The following FGF1 variants were observed in gnomAD, a reference collection of about 807,000 sequenced individuals.
The protein encoded by FGF1 is fibroblast growth factor 1, also known as beta-endothelial cell growth factor.
Under a neutral mutation model 13.4 loss-of-function variants are expected in FGF1, and 9 were observed. The observed-to-expected ratio is 0.67, with a 90% CI of 0.40 to 1.17. The LOEUF is 1.17. FGF1 is among the 50% of genes most tolerant of loss of function. The pLI is 0.01. For synonymous variants in FGF1, 93 were observed against 79.0 expected (o/e 1.18, Z -0.94); for missense variants, 156 against 192.7 (o/e 0.81, Z 1.13).
At chr5:142,656,908 T>A (rs200376407) in intron 1 of FGF1, among the ~76,000 whole-genome samples, 71 of 152,108 alleles carry the variant, frequency 4.7e-4, no homozygotes, top group African/African-American at 1.3e-3. Context: ...GCAGGTATTT[T>A]TTTTTATTTT....
At chr5:142,681,651 T>C (rs1773713437) in intron 1 of FGF1, among the ~76,000 whole-genome samples, 1 of 152,160 alleles carries the variant, frequency 6.6e-6, no homozygotes, top group African/African-American at 2.4e-5. Flanking sequence ...CATGTGCCTC[T>C]CAGGACACCT....
chr5:142,668,328 T>C (rs1770823480), intron 1 of FGF1, among the ~76,000 whole-genome samples: 1 of 152,252 alleles, frequency 6.6e-6, no homozygotes, highest in Admixed American at 6.5e-5. Flanking sequence ...CTTTGAAAAC[T>C]GTGACTTCCA....
At position 142,641,033 on chromosome 5, in the gene FGF1, G is replaced by A. The variant is rs79304186; in HGVS notation, c.-34-26872C>T. ...CTTTGGAGACATACATATTACAAAA[G>A]GAGAAGAGTTTTGATTGCAGGGAAG... On this transcript the variant is annotated intron_variant, in intron 1 of 3. Transcript: ENST00000337706. 2.2e-3 allele frequency among the ~76,000 whole-genome samples: 332 copies of A among 152,074 alleles called. 5 individuals are homozygous for A. The highest frequency in any genetic ancestry group is 7.6e-3 in the African/African-American group (315 of 41,372).
intron 1 of FGF1, among the ~76,000 whole-genome samples, chr5:142,638,590 A>T (rs1764663844): frequency 6.6e-6 from 1 of 152,104 alleles, no homozygotes; most frequent in African/African-American, 2.4e-5. Context: ...TGCTAGAAGA[A>T]AACATAGGGG....
intron 3 of FGF1, among the ~76,000 whole-genome samples, chr5:142,600,496 T>C (rs1318132397): frequency 1.3e-5 from 2 of 152,248 alleles, no homozygotes; most frequent in African/African-American, 4.8e-5. Context: ...TATATGATAA[T>C]ACATTTGAGA....
At chr5:142,611,695 C>T (rs1421602798) in intron 2 of FGF1, among the ~76,000 whole-genome samples, 9 of 152,152 alleles carry the variant, frequency 5.9e-5, no homozygotes, top group African/African-American at 1.7e-4. Flanking sequence ...ACTCTGATCT[C>T]TGTCCTCTTG....
intron 1 of FGF1, among the ~76,000 whole-genome samples, chr5:142,652,799 G>C (rs768928194): frequency 1.3e-5 from 2 of 152,208 alleles, no homozygotes; most frequent in Non-Finnish European, 2.9e-5. Context: ...TAGTGCACAC[G>C]TGTGTCCACG....
chr5:142,604,325 T>C (rs1467927754), intron 2 of FGF1, among the ~76,000 whole-genome samples: 1 of 152,224 alleles, frequency 6.6e-6, no homozygotes, highest in African/African-American at 2.4e-5. Context: ...TCAGAGAACC[T>C]TCACATATAC....
intron 2 of FGF1, among the ~76,000 whole-genome samples, chr5:142,693,841 A>G (rs1752634173): frequency 6.6e-6 from 1 of 152,206 alleles, no homozygotes; most frequent in Non-Finnish European, 1.5e-5. Context: ...ATTGGAGAAC[A>G]TATCAACATT....
intron 1 of FGF1, among the ~76,000 whole-genome samples, chr5:142,656,750 C>G (rs978324625): frequency 1.2e-4 from 19 of 152,234 alleles, no homozygotes; most frequent in African/African-American, 4.3e-4. Context: ...AAGGAAGCCT[C>G]AGGACAATAT....
intron 1 of FGF1, among the ~76,000 whole-genome samples, chr5:142,680,538 T>C (rs1302302119): frequency 6.6e-6 from 1 of 151,066 alleles, no homozygotes; most frequent in African/African-American, 2.4e-5. Context: ...CCAGTGAGGT[T>C]TTTCCCTTGC....
chr5:142,595,431 G>C lies in FGF1; in HGVS notation c.327C>G (p.Tyr109Ter). The C allele has an allele frequency of 1.2e-6, 2 of 1,614,064 alleles. No homozygotes were observed. Among genetic ancestry groups the C allele is most frequent in the Non-Finnish European group, 1.7e-6 (2 of 1,179,920 alleles). ...CATGCTTCTTGGATATATAGGTGTT[G>C]TAATGGTTCTCCTCCAGCCTTTCCA... ...LFLERLEENH[Y>*]NTYISKKHAE... is the part of the protein sequence containing the mutation. Residue 109 changes from tyrosine (Y) to a stop codon, truncating the protein, a stop_gained, in exon 4 of 4, where the codon TAC becomes TAG. Transcript: ENST00000337706. LOFTEE classifies it high-confidence loss of function.
chr5:142,676,213 CATG>C (rs1345609961), intron 1 of FGF1, among the ~76,000 whole-genome samples: 3 of 152,202 alleles, frequency 2.0e-5, no homozygotes, highest in African/African-American at 7.2e-5. Context: ...AGTACATTCT[CATG>C]AAGACTTCCA....
intron 1 of FGF1, among the ~76,000 whole-genome samples, chr5:142,639,085 T>C (rs114148660): frequency 0.02 from 2,970 of 152,064 alleles, 148 homozygotes; most frequent in African/African-American, 0.067. Context: ...TAAAAATTGG[T>C]ACAGCCATTA....
chr5:142,680,381 A>AG (rs1773479810), intron 1 of FGF1, among the ~76,000 whole-genome samples: 1 of 152,170 alleles, frequency 6.6e-6, no homozygotes, highest in Non-Finnish European at 1.5e-5. Flanking sequence ...GCAACTGGAG[A>AG]AAGACACCCC....
intron 1 of FGF1, among the ~76,000 whole-genome samples, chr5:142,681,534 A>G (rs1009387376): frequency 2.0e-5 from 3 of 152,210 alleles, no homozygotes; most frequent in Non-Finnish European, 4.4e-5. Context: ...GATTCTACCT[A>G]TGGCCCAAGC....
intron 1 of FGF1, among the ~76,000 whole-genome samples, chr5:142,674,965 G>A (rs918426737): frequency 6.6e-6 from 1 of 152,094 alleles, no homozygotes; most frequent in African/African-American, 2.4e-5. Flanking sequence ...CGTGGGAGCC[G>A]AACCTCCCAC....
intron 1 of FGF1, among the ~76,000 whole-genome samples, chr5:142,648,912 T>C (rs1375724726): frequency 6.6e-6 from 1 of 152,052 alleles, no homozygotes; most frequent in African/African-American, 2.4e-5. Flanking sequence ...TATGTGCTTA[T>C]TAATGCATGG....
At chr5:142,615,735 C>T (rs763319649) in intron 1 of FGF1, among the ~76,000 whole-genome samples, 8 of 152,146 alleles carry the variant, frequency 5.3e-5, no homozygotes, top group Non-Finnish European at 7.3e-5. Context: ...AGTGACCTGC[C>T]CAAGGGCAAC....
Sources: allele counts gnomAD v4.1 joint callset (sites outside exome capture counted in the v4.1 genomes callset), GRCh38; gene constraint gnomAD v4.1.1; transcripts MANE v1.5; gene names NCBI Gene and HGNC (gene_info 2026-07-23, HGNC 2026-07-21).